Variants in NRXN3 observed in about 807,000 individuals in gnomAD.
The protein encoded by NRXN3 is neurexin III.
In NRXN3, 32 loss-of-function variants were observed where a neutral mutation model predicts 137.6. The observed-to-expected ratio is 0.23, with a 90% CI of 0.18 to 0.31. The LOEUF is 0.31. NRXN3 is among the 10% of genes least tolerant of loss of function. NRXN3 has a pLI of 1.00. For missense variants in NRXN3, 1,574 were observed against 2,062.5 expected (o/e 0.76, Z 4.59); for synonymous variants, 798 against 784.5 (o/e 1.02, Z -0.29).
At chr14:78,618,597 G>C (rs1449757441) in intron 4 of NRXN3, among the ~76,000 whole-genome samples, 1 of 152,228 alleles carries the variant, frequency 6.6e-6, no homozygotes, top group East Asian at 1.9e-4. Flanking sequence ...TGAGCATCAG[G>C]GCTGGAAAAC....
chr14:79,560,255 T>C (rs1010055800), intron 16 of NRXN3, among the ~76,000 whole-genome samples: 4 of 152,088 alleles, frequency 2.6e-5, no homozygotes, highest in African/African-American at 9.7e-5. Context: ...GTCTTTCCTC[T>C]GGCCTGGTTC....
intron 15 of NRXN3, among the ~76,000 whole-genome samples, chr14:78,991,276 G>A (rs138418133): frequency 6.6e-6 from 1 of 152,218 alleles, no homozygotes; most frequent in Admixed American, 6.5e-5. Context: ...GCCTGCCTTT[G>A]ACCTAAATAA....
In NRXN3 at chr14:79,616,826, C is replaced by T. The variant is rs138629434; in HGVS notation, c.3445-46952C>T. Among the ~76,000 whole-genome samples, 281 of 152,234 alleles carry T rather than the reference C, an allele frequency of 1.8e-3. 1 individual carries two copies. The highest frequency in any genetic ancestry group is 3.4e-3 in the Admixed American group (52 of 15,304). On this transcript the variant is annotated intron_variant, in intron 16 of 20. Coordinates refer to ENST00000335750, the MANE Select transcript of NRXN3 (RefSeq NM_001330195.2). ...TTAGAGAATTTGCTGTTTGGATAGTCGAACTCCTTCTTTCATAGATGAGGA... is the reference window on the plus strand; with the variant it reads ...TTAGAGAATTTGCTGTTTGGATAGTTGAACTCCTTCTTTCATAGATGAGGA...
At chr14:78,778,875 T>A (rs1429907000) in intron 8 of NRXN3, among the ~76,000 whole-genome samples, 1 of 151,250 alleles carries the variant, frequency 6.6e-6, no homozygotes, top group African/African-American at 2.4e-5. Context: ...CAAGCATTAA[T>A]GACCTATCAA....
chr14:79,121,798 A>C (rs1431138690), intron 15 of NRXN3, among the ~76,000 whole-genome samples: 2 of 152,230 alleles, frequency 1.3e-5, no homozygotes, highest in African/African-American at 4.8e-5. Context: ...ACCCACAGTT[A>C]ATATAGCATA....
intron 15 of NRXN3, among the ~76,000 whole-genome samples, chr14:79,357,522 C>A (rs2093468360): frequency 6.6e-6 from 1 of 152,038 alleles, no homozygotes; most frequent in African/African-American, 2.4e-5. Flanking sequence ...ACACACACTC[C>A]TTTGAGTATT....
chr14:78,212,190 C>T (rs1338182017), intron 1 of NRXN3, among the ~76,000 whole-genome samples: 2 of 152,208 alleles, frequency 1.3e-5, no homozygotes, highest in African/African-American at 4.8e-5. Flanking sequence ...TAATGGTTCT[C>T]ACTGGTGGTT....
At chr14:79,200,904 T>A (rs2065905753) in intron 15 of NRXN3, 1 of 143,276 alleles carries the variant, frequency 7.0e-6, no homozygotes, top group Non-Finnish European at 1.5e-5. Flanking sequence ...ATATGGCAAC[T>A]ATCTCTCAAG....
chr14:79,279,578 CCTT>C (rs1258501770), intron 15 of NRXN3: 11 of 986,232 alleles, frequency 1.1e-5, no homozygotes, highest in Non-Finnish European at 1.2e-5. Flanking sequence ...TCCCTCCAGT[CCTT>C]CTTATTCTCT....
At chr14:78,469,510 T>G (rs2095212881) in intron 4 of NRXN3, among the ~76,000 whole-genome samples, 1 of 152,186 alleles carries the variant, frequency 6.6e-6, no homozygotes, top group Non-Finnish European at 1.5e-5. Flanking sequence ...AAAGTCTCTT[T>G]AAGTTCTTGG....
chr14:79,493,893 C>T (rs939331542), intron 16 of NRXN3, among the ~76,000 whole-genome samples: 3 of 152,156 alleles, frequency 2.0e-5, no homozygotes, highest in African/African-American at 7.2e-5. Flanking sequence ...TACTGAATGA[C>T]AAAGGCTGTC....
chr14:78,381,703 G>C (rs1178286013), intron 4 of NRXN3, among the ~76,000 whole-genome samples: 1 of 152,052 alleles, frequency 6.6e-6, no homozygotes, highest in Non-Finnish European at 1.5e-5. Context: ...TGAGTGAATG[G>C]TTAAACAAAC....
At chr14:78,328,678 C>A (rs765235596) in intron 4 of NRXN3, among the ~76,000 whole-genome samples, 3 of 152,090 alleles carry the variant, frequency 2.0e-5, no homozygotes, top group African/African-American at 7.2e-5. Flanking sequence ...TTCTTGATAT[C>A]AAGAATTTTC....
chr14:79,047,958 C>T (rs1477336825), intron 15 of NRXN3, among the ~76,000 whole-genome samples: 2 of 152,068 alleles, frequency 1.3e-5, no homozygotes, highest in African/African-American at 4.8e-5. Flanking sequence ...AACATATATA[C>T]ACAATGACAT....
At chr14:79,042,938 T>C (rs1156481658) in intron 15 of NRXN3, among the ~76,000 whole-genome samples, 1 of 151,992 alleles carries the variant, frequency 6.6e-6, no homozygotes, top group African/African-American at 2.4e-5. Flanking sequence ...TGCAGTAGAA[T>C]GGCTAGCCAA....
chr14:79,275,880 C>G (rs187023468), intron 15 of NRXN3, among the ~76,000 whole-genome samples: 50 of 152,234 alleles, frequency 3.3e-4, no homozygotes, highest in Admixed American at 2.9e-3. Context: ...GGGGTTTATT[C>G]AAGTGGAGCT....
At chr14:79,583,764 C>G (rs2097740076) in intron 16 of NRXN3, among the ~76,000 whole-genome samples, 1 of 152,132 alleles carries the variant, frequency 6.6e-6, no homozygotes, top group African/African-American at 2.4e-5. Flanking sequence ...AAGCTGATTA[C>G]ATCTTTGGAA....
chr14:79,708,937 A>C (rs1029248252), intron 19 of NRXN3, among the ~76,000 whole-genome samples: 1 of 152,086 alleles, frequency 6.6e-6, no homozygotes, highest in African/African-American at 2.4e-5. Context: ...TGTATAATGC[A>C]ACCTCTTATA....
intron 15 of NRXN3, among the ~76,000 whole-genome samples, chr14:79,275,022 TATA>T (rs2080067158): frequency 6.6e-6 from 1 of 152,150 alleles, no homozygotes; most frequent in South Asian, 2.1e-4. Context: ...AAATAGAAAA[TATA>T]ATCAAAATCC....
Sources: gnomAD v4.1 joint callset for allele counts (sites outside exome capture counted in the v4.1 genomes callset) on GRCh38, gnomAD v4.1.1 for gene constraint, MANE v1.5 for transcripts, NCBI Gene and HGNC (gene_info 2026-07-23, HGNC 2026-07-21) for gene names.